SAMD11: variants seen among roughly 807,000 people sequenced by gnomAD.
SAMD11 encodes the protein sterile alpha motif domain-containing protein 11.
In SAMD11, 77 loss-of-function variants were observed where a neutral mutation model predicts 64.4. That is an observed-to-expected ratio of 1.20 (90% CI 0.99 to 1.44). The LOEUF (loss-of-function observed/expected upper bound fraction) is 1.44, where lower values mean the gene tolerates loss of function less well. SAMD11 is among the 40% of genes most tolerant of loss of function. The pLI is 0.00. For synonymous variants in SAMD11, 658 were observed against 421.9 expected, an observed-to-expected ratio of 1.56 and a Z score of -6.86; for missense variants, 1,402 against 943.3, an observed-to-expected ratio of 1.49 and a Z score of -6.37.
chr1:925,348 C>T (rs1196425119), intron 1 of SAMD11, among the ~76,000 whole-genome samples: 31 of 148,578 alleles, frequency 2.1e-4, no homozygotes, highest in African/African-American at 6.4e-4. Context: ...GGGGAGGCTG[C>T]GGGGCGGCGC....
intron 4 of SAMD11, among the ~76,000 whole-genome samples, chr1:934,034 GCAGGGGA>G: frequency 9.5e-6 from 1 of 104,898 alleles, no homozygotes; most frequent in African/African-American, 5.1e-5. Flanking sequence ...TTACAGGTGG[GCAGGGGA>G]GGCGGCTGCG....
In SAMD11 at chr1:924,068, C is replaced by T. The variant is rs1467069760; in HGVS notation, c.-364C>T. The stretch of plus-strand genomic sequence containing the variant: ...GCGACTCCTCGCTGCCGGGCTCGGC[C>T]TGGCGGGTGGGTCGGCGAGCCGGGC... On this transcript the variant is annotated 5_prime_UTR_variant, in exon 1 of 14. Transcript: ENST00000616016. The T allele has an allele frequency of 6.7e-6, 1 of 149,784 alleles. No homozygotes were observed. The highest frequency in any genetic ancestry group is 1.5e-5 in the Non-Finnish European group (1 of 67,110). The allele number at this position is 149,784 out of a possible 1,614,324, so 9.3% of individuals were successfully genotyped here.
intron 12 of SAMD11, 71 bp from the exon 13 acceptor site, chr1:943,627 C>T (rs975314232): frequency 7.7e-6 from 11 of 1,432,520 alleles, no homozygotes; most frequent in South Asian, 6.0e-5. Context: ...ACAAACAGCT[C>T]CTCTTGGCTC....
intron 5 of SAMD11, among the ~76,000 whole-genome samples, chr1:936,529 G>A (rs758208444): frequency 2.5e-4 from 38 of 152,288 alleles, no homozygotes; most frequent in Non-Finnish European, 4.1e-4. Context: ...ACAGTTGTGG[G>A]GGGACCAGGC....
In SAMD11 at chr1:941,225, C is replaced by T. The variant is rs771437009; in HGVS notation, c.1277C>T (p.Thr426Met). 3.7e-6 allele frequency: 6 copies of T among 1,601,472 alleles called. No individual in the cohort carries two copies. The East Asian group carries it at 9.0e-5, about 24-fold the overall frequency. Residue 426 changes from threonine (T) to methionine (M), a missense_variant, in exon 8 of 14, where the codon ACG (threonine) becomes ATG (methionine). Thr to Met is a moderately conservative substitution (Grantham distance 81). Transcript: ENST00000616016. ...CTGGAAGCCCACCTGCCCTCCTCCA[C>T]GGCAGGTCAGCGTCGGAAGCAGGGC... ...SGLEAHLPSS[T>M]AGQRRKQGLA...
At chr1:928,357 A>C (rs1400404683) in intron 2 of SAMD11, among the ~76,000 whole-genome samples, 2 of 152,076 alleles carry the variant, frequency 1.3e-5, no homozygotes, top group Non-Finnish European at 1.5e-5. Context: ...GTGCCACCGC[A>C]CTCCAGCCTG....
intron 8 of SAMD11, 151 bp downstream of exon 8, chr1:941,457 C>A: frequency 1.2e-6 from 1 of 816,166 alleles, no homozygotes; most frequent in Non-Finnish European, 1.9e-6. Flanking sequence ...TGACACCGAT[C>A]TGGGCTGCAG....
In SAMD11 at chr1:944,171, G is replaced by C. The variant is rs748509066; in HGVS notation, c.*18G>C. 1.7e-5 allele frequency: 26 copies of C among 1,525,058 alleles called. No individual in the cohort carries two copies. Among genetic ancestry groups the C allele is most frequent in the Non-Finnish European group, 5.3e-6 (6 of 1,136,088 alleles). The allele number at this position is 1,525,058 out of a possible 1,614,324, so 94.5% of individuals were successfully genotyped here. A position where few individuals can be genotyped will look rare whatever the true frequency, so the allele number is the denominator to read the frequency against. On this transcript the variant is annotated 3_prime_UTR_variant, in exon 14 of 14. Transcript: ENST00000616016. ...TGTGTTGAGGTTGCCGGGGGTAGGG[G>C]TGGGGCCACACAAATCTCCAGGAGC...
intron 4 of SAMD11, among the ~76,000 whole-genome samples, chr1:932,802 G>A (rs1476307454): frequency 1.3e-5 from 2 of 152,248 alleles, no homozygotes; most frequent in South Asian, 2.1e-4. Flanking sequence ...TGGAGCCAGC[G>A]GAGCCCCAGG....
intron 2 of SAMD11, among the ~76,000 whole-genome samples, chr1:929,773 C>T (rs755964956): frequency 1.6e-4 from 24 of 152,192 alleles, no homozygotes; most frequent in Non-Finnish European, 2.9e-4. Flanking sequence ...GGGGTGGCCC[C>T]GACTCAGGCC....
chr1:931,132 C>T, intron 4 of SAMD11, 43 bp downstream of exon 4: 1 of 1,413,544 alleles, frequency 7.1e-7, no homozygotes, highest in African/African-American at 1.9e-5. Flanking sequence ...GCCGTGACTC[C>T]CCTCCCTCCC....
chr1:942,680 G>T lies in SAMD11; in HGVS notation c.1675G>T (p.Ala559Ser). ...CGCCGAGGAGCTGCAGCGGCGCGGG[G>T]CCCTGCTGGTGCTGAACCACGGCGC... is the stretch of plus-strand genomic sequence containing the variant. Reference protein sequence around the residue: ...DGAEELQRRGALLVLNHGAAP... With the variant: ...DGAEELQRRGSLLVLNHGAAP... The change falls in exon 11 of 14, where the codon GCC (alanine) becomes TCC (serine). Residue 559 changes from alanine (A) to serine (S), a missense_variant. Transcript: ENST00000616016. 1.4e-6 allele frequency: 2 copies of T among 1,437,342 alleles called. No homozygotes were observed. Among genetic ancestry groups the T allele is most frequent in the Non-Finnish European group, 1.8e-6 (2 of 1,104,840 alleles). The allele number at this position is 1,437,342 out of a possible 1,614,324, so 89.0% of individuals were successfully genotyped here.
chr1:936,098 G>A (rs1641421218), intron 5 of SAMD11, among the ~76,000 whole-genome samples: 1 of 152,224 alleles, frequency 6.6e-6, no homozygotes, highest in African/African-American at 2.4e-5. Context: ...GCTCCGCTGT[G>A]GCTGCCGCTG....
Position 926,446 on chromosome 1 carries a change from C to T in SAMD11, c.609+433C>T, listed in dbSNP as rs778347669. On this transcript the variant is annotated intron_variant, in intron 2 of 13. Coordinates refer to ENST00000616016, the MANE Select transcript of SAMD11 (RefSeq NM_001385641.1). Reference sequence around the variant, plus strand: ...CGACAGCATTTTGGGGAGCTACAGGCTTGGGTGTGAGTGACTTGTGTCTCT... The same window carrying T: ...CGACAGCATTTTGGGGAGCTACAGGTTTGGGTGTGAGTGACTTGTGTCTCT... 8.9e-4 allele frequency among the ~76,000 whole-genome samples: 136 copies of T among 152,276 alleles called. 3 individuals are homozygous for T. Among genetic ancestry groups the T allele is most frequent in the Middle Eastern group, 3.4e-3 (1 of 294 alleles).
At chr1:941,327 C>G (rs763681965) in intron 8 of SAMD11, 21 bp downstream of exon 8, 19 of 1,530,222 alleles carry the variant, frequency 1.2e-5, no homozygotes, top group Non-Finnish European at 1.7e-5. Flanking sequence ...GGCTGCCGTT[C>G]TCTGCTTGTT....
chr1:944,183 A>C lies in SAMD11; in HGVS notation c.*30A>C. On this transcript the variant is annotated 3_prime_UTR_variant, in exon 14 of 14. Coordinates refer to ENST00000616016, the MANE Select transcript of SAMD11 (RefSeq NM_001385641.1). The stretch of plus-strand genomic sequence containing the variant: ...GCCGGGGGTAGGGGTGGGGCCACAC[A>C]AATCTCCAGGAGCCACCACTCAACA... The C allele has an allele frequency of 1.3e-6, 2 of 1,514,934 alleles. No individual in the cohort carries two copies. Among genetic ancestry groups the C allele is most frequent in the Non-Finnish European group, 1.8e-6 (2 of 1,131,732 alleles). The allele number at this position is 1,514,934 out of a possible 1,614,324, so 93.8% of individuals were successfully genotyped here.
chr1:937,378 G>A (rs1157408892), intron 5 of SAMD11, among the ~76,000 whole-genome samples: 2 of 148,232 alleles, frequency 1.3e-5, no homozygotes, highest in African/African-American at 5.1e-5. Context: ...CGGTCTCATT[G>A]CAGGCCCCCT....
At position 943,351 on chromosome 1, in the gene SAMD11, C is replaced by T. The variant is rs145876257; in HGVS notation, c.2152C>T (p.Leu718=). The T allele has an allele frequency of 1.1e-5, 17 of 1,588,616 alleles. 1 individual carries two copies. Among genetic ancestry groups the T allele is most frequent in the South Asian group, 2.3e-5 (2 of 88,068 alleles). ...TGACGTCTGCAGCTTCGTGGGGGGC[C>T]TGTCTGGCTGTGGAGAGTACACTCG... ...VDDVCSFVGG[L]SGCGEYTRVF... Residue 718 remains leucine, a synonymous_variant, in exon 12 of 14, where the codon CTG becomes TTG. Coordinates refer to ENST00000616016, the MANE Select transcript of SAMD11 (RefSeq NM_001385641.1).
At position 942,447 on chromosome 1, in the gene SAMD11, C is replaced by A. The variant is rs763354148; in HGVS notation, c.1512C>A (p.Phe504Leu). ...GFLPPAQAEM[F>L]AWQQELLRKQ... ...TGCCCCCCGCGCAGGCGGAGATGTTCGCCTGGCAGCAGGAGCTCCTGCGGA... is the reference window on the plus strand; with the variant it reads ...TGCCCCCCGCGCAGGCGGAGATGTTAGCCTGGCAGCAGGAGCTCCTGCGGA... The change falls in exon 10 of 14, where the codon TTC becomes TTA. Residue 504 changes from phenylalanine (F) to leucine (L), a missense_variant. Phe to Leu is a conservative substitution (Grantham distance 22). Coordinates refer to ENST00000616016, the MANE Select transcript of SAMD11 (RefSeq NM_001385641.1). 6.7e-7 allele frequency: 1 copy of A among 1,487,914 alleles called. No individual in the cohort carries two copies. Among genetic ancestry groups the A allele is most frequent in the Non-Finnish European group, 8.9e-7 (1 of 1,125,362 alleles). 92.2% of individuals were successfully genotyped at this position (1,487,914 alleles called of 1,614,324 possible).
Sources: allele counts gnomAD v4.1 joint callset (sites outside exome capture counted in the v4.1 genomes callset), GRCh38; gene constraint gnomAD v4.1.1; transcripts MANE v1.5; gene names NCBI Gene and HGNC (gene_info 2026-07-23, HGNC 2026-07-21).